The following PON2 variants were observed in gnomAD, a reference collection of about 807,000 sequenced individuals.
PON2 encodes the protein serum paraoxonase/arylesterase 2.
PON2 carries 27 observed loss-of-function variants against 36.6 expected under a neutral mutation model. The observed-to-expected ratio is 0.74, with a 90% confidence interval of 0.54 to 1.02. The LOEUF (loss-of-function observed/expected upper bound fraction) is 1.02. PON2 is among the 50% of genes least tolerant of loss of function. The probability of loss-of-function intolerance (pLI) is 0.00; values close to 1 mark genes in which losing one functional copy is unlikely to be tolerated. For missense variants in PON2, 363 were observed against 421.1 expected, an observed-to-expected ratio of 0.86 and a Z score of 1.21; for synonymous variants, 149 against 156.3, an observed-to-expected ratio of 0.95 and a Z score of 0.35.
intron 2 of PON2, among the ~76,000 whole-genome samples, chr7:95,422,744 T>A (rs189244416): frequency 3.5e-4 from 54 of 152,286 alleles, no homozygotes; most frequent in South Asian, 2.1e-3. Context: ...TATTAAATTG[T>A]CTCTCCTACC....
Position 95,405,469 on chromosome 7 carries a change from A to G in PON2, c.926T>C (p.Ile309Thr). Residue 309 changes from isoleucine (I) to threonine (T), a missense_variant, in exon 9 of 9, where the codon ATT becomes ACT. By Grantham distance (89) the Ile-to-Thr change is moderately conservative. Transcript: ENST00000222572. ...PSSEVLRIQN[I>T]LSEKPTVTTV... Reference sequence around the variant, plus strand: ...AGTCACTGTAGGCTTCTCAGATAGAATGTTCTGGATGCGGAGAACCTATTC... The same window carrying G: ...AGTCACTGTAGGCTTCTCAGATAGAGTGTTCTGGATGCGGAGAACCTATTC... 4 of 1,613,114 alleles carry G rather than the reference A, an allele frequency of 2.5e-6. No homozygotes were observed. Among genetic ancestry groups the G allele is most frequent in the Non-Finnish European group, 2.5e-6 (3 of 1,179,168 alleles).
chr7:95,434,625 G>A (rs1789519349), intron 1 of PON2, among the ~76,000 whole-genome samples: 2 of 152,216 alleles, frequency 1.3e-5, no homozygotes, highest in African/African-American at 4.8e-5. Flanking sequence ...TTTGTTAGCA[G>A]CAAGGGCTTA....
intron 1 of PON2, among the ~76,000 whole-genome samples, chr7:95,429,210 T>C (rs1211397023): frequency 8.2e-6 from 1 of 122,150 alleles, no homozygotes; most frequent in Admixed American, 9.7e-5. Context: ...GAGGCCCCGG[T>C]GTGTGATGTT....
intron 3 of PON2, chr7:95,412,817 TG>T (rs1788966851): frequency 5.5e-6 from 2 of 364,458 alleles, no homozygotes; most frequent in South Asian, 2.4e-5. Context: ...TCCCAGTGCC[TG>T]GAACAGTGCC....
At chr7:95,417,613 A>C (rs572993459) in intron 2 of PON2, among the ~76,000 whole-genome samples, 1 of 142,754 alleles carries the variant, frequency 7.0e-6, no homozygotes, top group East Asian at 3.3e-4. Flanking sequence ...GTGGTTGTCC[A>C]CTGGTAATAA....
intron 2 of PON2, among the ~76,000 whole-genome samples, chr7:95,421,274 G>A (rs1180671547): frequency 1.3e-5 from 2 of 152,202 alleles, no homozygotes; most frequent in Non-Finnish European, 2.9e-5. Flanking sequence ...AGTTGTAAGA[G>A]GAATGCACTT....
Position 95,417,716 on chromosome 7 carries a change from C to CACAG in PON2, c.146-1420_146-1419insCTGT, listed in dbSNP as rs1554339541. Among the ~76,000 whole-genome samples the CACAG allele has an allele frequency of 1.3e-3, 192 of 148,834 alleles. 1 individual carries two copies. Among genetic ancestry groups the CACAG allele is most frequent in the African/African-American group, 3.1e-3 (126 of 40,520 alleles). On this transcript the variant is annotated intron_variant, in intron 2 of 8. Transcript: ENST00000222572. ...ACACACACACACACACACACACACA[C>CACAG]ACACACACACCGAGAGAGAATTCTA...
chr7:95,417,727 C>T (rs113867096), intron 2 of PON2, among the ~76,000 whole-genome samples: 21 of 80,204 alleles, frequency 2.6e-4, no homozygotes, highest in African/African-American at 1.1e-3. Flanking sequence ...ACACACACAC[C>T]GAGAGAGAAT....
Position 95,424,498 on chromosome 7 carries a change from C to G in PON2, c.145+17G>C, listed in dbSNP as rs745838095. 4 of 1,603,530 alleles carry G rather than the reference C, an allele frequency of 2.5e-6. No individual in the cohort carries two copies. Among genetic ancestry groups the G allele is most frequent in the South Asian group, 2.2e-5 (2 of 90,880 alleles). ...CAAAAAATGCAATGTGCCCAACAAG[C>G]ATTTTCATATACATACCAATTCCTT... On this transcript the variant is annotated intron_variant, in intron 2 of 8. Coordinates refer to ENST00000222572, the MANE Select transcript of PON2 (RefSeq NM_000305.3).
intron 3 of PON2, among the ~76,000 whole-genome samples, chr7:95,413,595 T>A (rs1242439270): frequency 6.6e-6 from 1 of 152,222 alleles, no homozygotes; most frequent in Non-Finnish European, 1.5e-5. Flanking sequence ...CTCTTTTAAA[T>A]CAGTTAATAA....
intron 5 of PON2, among the ~76,000 whole-genome samples, chr7:95,410,992 TAGAA>T (rs1788909595): frequency 3.3e-5 from 5 of 152,124 alleles, no homozygotes; most frequent in African/African-American, 4.8e-5. Context: ...TTAATTTCAT[TAGAA>T]ATGAAATTTC....
Position 95,405,244 on chromosome 7 carries a change from A to C in PON2, c.*86T>G. 7.1e-7 allele frequency: 1 copy of C among 1,411,252 alleles called. No individual in the cohort carries two copies. Among genetic ancestry groups the C allele is most frequent in the Non-Finnish European group, 9.9e-7 (1 of 1,008,438 alleles). 87.4% of individuals were successfully genotyped at this position (1,411,252 alleles called of 1,614,324 possible). A position where few individuals can be genotyped will look rare whatever the true frequency, so the allele number is the denominator to read the frequency against. On this transcript the variant is annotated 3_prime_UTR_variant, in exon 9 of 9. Transcript: ENST00000222572. Reference sequence around the variant, plus strand: ...TACACATGCCATACATTTCTGGGTCAATGTTGCTGGTTAAATTCCCTCAGA... The same window carrying C: ...TACACATGCCATACATTTCTGGGTCCATGTTGCTGGTTAAATTCCCTCAGA...
intron 1 of PON2, 142 bp downstream of exon 1, chr7:95,434,733 AGGG>A: frequency 1.3e-6 from 1 of 798,256 alleles, no homozygotes; most frequent in Non-Finnish European, 1.9e-6. Flanking sequence ...TAGCTGGGGG[AGGG>A]ACAGCATTCA....
chr7:95,418,619 TTTTC>T (rs951219611), intron 2 of PON2, among the ~76,000 whole-genome samples: 2 of 152,222 alleles, frequency 1.3e-5, no homozygotes, highest in Non-Finnish European at 2.9e-5. Context: ...TTTCAAAACC[TTTTC>T]TGTCTTTTTC....
Position 95,407,079 on chromosome 7 carries a change from A to G in PON2, c.696-11T>C. 6.4e-7 allele frequency: 1 copy of G among 1,558,866 alleles called. No homozygotes were observed. The highest frequency in any genetic ancestry group is 1.1e-5 in the South Asian group (1 of 89,698). ...GCAACATAGATATACCTTTGCAGAA[A>G]GGACACAGTGGTTAGAGCTCCATGC... On this transcript the variant is annotated splice_polypyrimidine_tract_variant and intron_variant, in intron 6 of 8. Coordinates refer to ENST00000222572, the MANE Select transcript of PON2 (RefSeq NM_000305.3).
In PON2 at chr7:95,406,852, G is replaced by A. The variant is rs372342752; in HGVS notation, c.777+135C>T. The A allele has an allele frequency of 3.1e-5, 19 of 603,466 alleles. No individual in the cohort carries two copies. The South Asian group carries it at 3.7e-4, about 12-fold the overall frequency. The allele number at this position is 603,466 out of a possible 1,614,324, so 37.4% of individuals were successfully genotyped here. ...CTGGAAACAGGAGCTTTCTCTAGTT[G>A]TAGGGAGTATTTAAAAACCCAGAAT... is the stretch of plus-strand genomic sequence containing the variant. On this transcript the variant is annotated intron_variant, in intron 7 of 8. Coordinates refer to ENST00000222572, the MANE Select transcript of PON2 (RefSeq NM_000305.3).
intron 1 of PON2, among the ~76,000 whole-genome samples, chr7:95,432,564 TTGAC>T (rs935202374): frequency 6.6e-6 from 1 of 152,116 alleles, no homozygotes; most frequent in Non-Finnish European, 1.5e-5. Flanking sequence ...GGGGGAATAT[TTGAC>T]TGTTGAGAAA....
intron 2 of PON2, among the ~76,000 whole-genome samples, chr7:95,421,734 A>G (rs1029522836): frequency 1.3e-5 from 2 of 152,204 alleles, no homozygotes; most frequent in Non-Finnish European, 2.9e-5. Context: ...TATCAATGAA[A>G]AAAAGGAGAA....
At chr7:95,417,522 G>C (rs972742326) in intron 2 of PON2, among the ~76,000 whole-genome samples, 1 of 151,514 alleles carries the variant, frequency 6.6e-6, no homozygotes, top group Non-Finnish European at 1.5e-5. Context: ...CTGTAAAAAC[G>C]GTCCTTGATT....
Sources: gnomAD v4.1 joint callset for allele counts (sites outside exome capture counted in the v4.1 genomes callset) on GRCh38, gnomAD v4.1.1 for gene constraint, MANE v1.5 for transcripts, NCBI Gene and HGNC (gene_info 2026-07-23, HGNC 2026-07-21) for gene names.